CPXM2: variants seen among roughly 807,000 people sequenced by gnomAD.
The protein encoded by CPXM2 is inactive carboxypeptidase-like protein X2.
In CPXM2, 66 loss-of-function variants were observed where a neutral mutation model predicts 86.1. The observed-to-expected ratio is 0.77, with a 90% CI of 0.63 to 0.94. CPXM2 has a LOEUF of 0.94. CPXM2 is among the 40% of genes least tolerant of loss of function. The pLI, the probability that CPXM2 is intolerant of heterozygous loss-of-function variation, is 0.00. For missense variants in CPXM2, 948 were observed against 1,026.3 expected (o/e 0.92, Z 1.04); for synonymous variants, 388 against 400.2 (o/e 0.97, Z 0.36).
chr10:123,886,602 T>C (rs1276683700), intron 1 of CPXM2, among the ~76,000 whole-genome samples: 1 of 152,198 alleles, frequency 6.6e-6, no homozygotes, highest in Non-Finnish European at 1.5e-5. Context: ...GATGTGGGTT[T>C]GTCCACATTC....
chr10:123,926,972 C>T (rs61861977), intron 2 of CPXM2, among the ~76,000 whole-genome samples: 39,370 of 152,104 alleles, frequency 0.26, 5,315 homozygotes, highest in Middle Eastern at 0.33. Context: ...ACAGACTTAC[C>T]CATTCTTGCA....
chr10:123,750,721 A>G (rs1846053108), intron 13 of CPXM2: 1 of 985,332 alleles, frequency 1.0e-6, no homozygotes. Flanking sequence ...AAGAATGAAT[A>G]CAACGATCAG....
At chr10:123,938,218 G>A (rs1945741360) in intron 2 of CPXM2, among the ~76,000 whole-genome samples, 1 of 152,224 alleles carries the variant, frequency 6.6e-6, no homozygotes, top group South Asian at 2.1e-4. Flanking sequence ...GCAGGCCTGA[G>A]GAGGGGCCTG....
intron 4 of CPXM2, among the ~76,000 whole-genome samples, chr10:123,836,061 C>A (rs906962163): frequency 6.6e-6 from 1 of 152,156 alleles, no homozygotes; most frequent in African/African-American, 2.4e-5. Context: ...CTAGACCCCA[C>A]TGTCACTTCA....
intron 4 of CPXM2, among the ~76,000 whole-genome samples, chr10:123,820,251 G>A (rs1847897317): frequency 6.6e-6 from 1 of 152,134 alleles, no homozygotes; most frequent in Non-Finnish European, 1.5e-5. Flanking sequence ...AGGTGCTGAT[G>A]ACACTCATCC....
upstream of CPXM2, among the ~76,000 whole-genome samples, chr10:123,895,279 A>G (rs780647995): frequency 7.9e-5 from 12 of 151,694 alleles, no homozygotes; most frequent in Non-Finnish European, 1.8e-4. Context: ...GCCTACCACC[A>G]CACCCAGCTA....
intron 4 of CPXM2, among the ~76,000 whole-genome samples, chr10:123,835,074 C>T (rs574290794): frequency 4.6e-5 from 7 of 152,166 alleles, no homozygotes; most frequent in Non-Finnish European, 1.0e-4. Context: ...ATAAATTATC[C>T]AGCCTCAGAT....
At chr10:123,941,270 C>T (rs549252194), upstream of CPXM2, among the ~76,000 whole-genome samples, 28 of 152,310 alleles carry the variant, frequency 1.8e-4, no homozygotes, top group African/African-American at 5.5e-4. Flanking sequence ...TGGCTAGGGC[C>T]GTGTTCCCTT....
intron 4 of CPXM2, among the ~76,000 whole-genome samples, chr10:123,817,277 T>G (rs753538104): frequency 2.0e-5 from 3 of 152,192 alleles, no homozygotes; most frequent in Non-Finnish European, 4.4e-5. Context: ...TTGGGCCATA[T>G]GACCCAGCAG....
chr10:123,897,171 G>C (rs1038923358), intron 2 of CPXM2, among the ~76,000 whole-genome samples: 3 of 151,442 alleles, frequency 2.0e-5, no homozygotes, highest in African/African-American at 7.3e-5. Flanking sequence ...GGAGGGACAT[G>C]ACTTCCTCAC....
intron 2 of CPXM2, 66 bp downstream of exon 2, chr10:123,880,145 T>TGGGGGGCCCCCCCC: frequency 4.9e-6 from 2 of 407,580 alleles, no homozygotes; most frequent in East Asian, 4.9e-5. Context: ...CAGGGGCCTG[T>TGGGGGGCCCCCCCC]ACCCACCCAC....
rs147286302 is a variant in CPXM2 at position 123,885,993 on chromosome 10, T to C, written c.304+5363A>G. 6.0e-4 allele frequency among the ~76,000 whole-genome samples: 91 copies of C among 152,354 alleles called. No individual in the cohort carries two copies. Among genetic ancestry groups the C allele is most frequent in the African/African-American group, 1.7e-3 (72 of 41,582 alleles). The stretch of plus-strand genomic sequence containing the variant: ...TGCGCGAGCCCTGGTTTCTGGAACC[T>C]TGGGCACAGGCAAGAGGAAATTTGC... On this transcript the variant is annotated intron_variant, in intron 1 of 13. Transcript: ENST00000241305. The surrounding 1 kb of genome is among the most constrained non-coding windows in gnomAD (Gnocchi z 4.0).
intron 3 of CPXM2, among the ~76,000 whole-genome samples, chr10:123,857,945 CTT>C (rs2134187438): frequency 6.6e-6 from 1 of 151,948 alleles, no homozygotes; most frequent in African/African-American, 2.4e-5. Context: ...CATTCATAGA[CTT>C]TACACTCACC....
chr10:123,918,232 AC>A (rs1365770188), intron 2 of CPXM2, among the ~76,000 whole-genome samples: 11 of 152,254 alleles, frequency 7.2e-5, no homozygotes, highest in Admixed American at 7.2e-4. Context: ...AATAGAAATG[AC>A]CTAAAATCGA....
chr10:123,814,010 T>C (rs1847751757), intron 4 of CPXM2, among the ~76,000 whole-genome samples: 2 of 152,204 alleles, frequency 1.3e-5, no homozygotes, highest in Non-Finnish European at 1.5e-5. Context: ...TCACAGTTGA[T>C]TGGCCTACAC....
At chr10:123,884,725 T>C (rs1299942625) in intron 1 of CPXM2, among the ~76,000 whole-genome samples, 1 of 152,174 alleles carries the variant, frequency 6.6e-6, no homozygotes, top group East Asian at 1.9e-4. Context: ...TCTCTCTCTC[T>C]CTCTTTCTCT....
chr10:123,750,893 A>G, intron 13 of CPXM2: 4 of 985,288 alleles, frequency 4.1e-6, no homozygotes, highest in Non-Finnish European at 3.6e-6. Flanking sequence ...TGAGGCTCTC[A>G]CTTTCTCTGC....
intron 4 of CPXM2, among the ~76,000 whole-genome samples, chr10:123,835,031 C>T (rs775182445): frequency 3.9e-5 from 6 of 152,214 alleles, no homozygotes; most frequent in Non-Finnish European, 8.8e-5. Flanking sequence ...TGCACAACTG[C>T]TGAATCATGC....
intron 4 of CPXM2, among the ~76,000 whole-genome samples, chr10:123,812,418 G>A (rs1847713214): frequency 6.6e-6 from 1 of 152,126 alleles, no homozygotes; most frequent in African/African-American, 2.4e-5. Context: ...TATGTGACAA[G>A]AGTAGTTTTT....
Sources: gnomAD v4.1 joint callset for allele counts (sites outside exome capture counted in the v4.1 genomes callset) on GRCh38, gnomAD v4.1.1 for gene constraint, Gnocchi (gnomAD v3.1) non-coding constraint, MANE v1.5 for transcripts, NCBI Gene and HGNC (gene_info 2026-07-23, HGNC 2026-07-21) for gene names.